GLRB: variants seen among roughly 807,000 people sequenced by gnomAD.
GLRB encodes the protein glycine receptor subunit beta.
Under a neutral mutation model 54.2 loss-of-function variants are expected in GLRB, and 33 were observed. The ratio of observed to expected loss-of-function variants is 0.61; its 90% confidence interval spans 0.46 to 0.81. The LOEUF is 0.81. GLRB is among the 40% of genes least tolerant of loss of function. The pLI is 0.00. For synonymous variants in GLRB, 209 were observed against 208.2 expected, an observed-to-expected ratio of 1.00 and a Z score of -0.03; for missense variants, 572 against 584.6, an observed-to-expected ratio of 0.98 and a Z score of 0.22.
chr4:157,124,209 C>T (rs1735933439), intron 4 of GLRB, among the ~76,000 whole-genome samples: 1 of 151,728 alleles, frequency 6.6e-6, no homozygotes, highest in Non-Finnish European at 1.5e-5. Flanking sequence ...ATAACTTATC[C>T]TCGGTACCAG....
At chr4:157,085,528 ACT>A (rs953744287) in intron 2 of GLRB, among the ~76,000 whole-genome samples, 12 of 151,964 alleles carry the variant, frequency 7.9e-5, no homozygotes, top group Admixed American at 3.3e-4. Context: ...ATGGAATCTC[ACT>A]CTGTTAGCCA....
intron 2 of GLRB, among the ~76,000 whole-genome samples, chr4:157,113,535 C>A (rs1419899038): frequency 6.6e-6 from 1 of 151,844 alleles, no homozygotes; most frequent in Non-Finnish European, 1.5e-5. Context: ...AACAGATAGC[C>A]TTCAATGAGA....
At chr4:157,077,743 C>T (rs1005098948) in intron 1 of GLRB, among the ~76,000 whole-genome samples, 1 of 150,004 alleles carries the variant, frequency 6.7e-6, no homozygotes, top group African/African-American at 2.5e-5. Flanking sequence ...CCTATTATAT[C>T]TCGTTGGCGG....
At chr4:157,169,838 T>C (rs1298783486) in intron 9 of GLRB, among the ~76,000 whole-genome samples, 1 of 152,090 alleles carries the variant, frequency 6.6e-6, no homozygotes, top group Non-Finnish European at 1.5e-5. Context: ...CTGAGCGTGA[T>C]TGGTTAAGTT....
At position 157,157,824 on chromosome 4, in the gene GLRB, A is replaced by G. The variant is rs184785755; in HGVS notation, c.1197+4814A>G. Among the ~76,000 whole-genome samples the G allele has an allele frequency of 9.3e-4, 142 of 152,314 alleles. 1 individual carries two copies. Among genetic ancestry groups the G allele is most frequent in the African/African-American group, 2.7e-3 (112 of 41,570 alleles). ...TATGTGTGCATGTGTCTTTATAGCA[A>G]CATGATTTATAATCCTTTAGATATA... On this transcript the variant is annotated intron_variant, in intron 9 of 9. Transcript: ENST00000264428.
intron 4 of GLRB, among the ~76,000 whole-genome samples, chr4:157,127,904 G>T (rs1332815252): frequency 6.6e-6 from 1 of 151,860 alleles, no homozygotes. Context: ...AATGTGTGGT[G>T]CTTGAAGCCA....
chr4:157,095,305 CA>C (rs59570434), intron 2 of GLRB, among the ~76,000 whole-genome samples: 1,452 of 79,144 alleles, frequency 0.018, 6 homozygotes, highest in African/African-American at 0.064. Context: ...TGTGCCTGAG[CA>C]AAAAAAAAAA....
intron 9 of GLRB, among the ~76,000 whole-genome samples, chr4:157,153,482 A>G (rs1737105634): frequency 6.6e-6 from 1 of 152,200 alleles, no homozygotes; most frequent in South Asian, 2.1e-4. Flanking sequence ...AGAGAGCTTC[A>G]CATGGAGCAT....
chr4:157,125,618 C>G (rs187672278), intron 4 of GLRB, among the ~76,000 whole-genome samples: 1 of 151,702 alleles, frequency 6.6e-6, no homozygotes, highest in African/African-American at 2.4e-5. Context: ...TAGAAATCTC[C>G]CCTACAAGGA....
At chr4:157,122,708 T>C (rs1735877223) in intron 4 of GLRB, among the ~76,000 whole-genome samples, 1 of 151,804 alleles carries the variant, frequency 6.6e-6, no homozygotes, top group Non-Finnish European at 1.5e-5. Flanking sequence ...GGCAACAGTT[T>C]TTGTTTTCTA....
At chr4:157,146,520 T>G (rs1348486630) in intron 8 of GLRB, among the ~76,000 whole-genome samples, 1 of 152,034 alleles carries the variant, frequency 6.6e-6, no homozygotes, top group Admixed American at 6.6e-5. Context: ...CAGGTGCTGA[T>G]AAATATTTGA....
intron 8 of GLRB, among the ~76,000 whole-genome samples, chr4:157,151,809 A>G (rs1489387272): frequency 6.6e-6 from 1 of 152,092 alleles, no homozygotes; most frequent in African/African-American, 2.4e-5. Context: ...AAAAAATTAT[A>G]CTCAACCCAG....
chr4:157,142,377 C>G (rs1736649806), intron 7 of GLRB, among the ~76,000 whole-genome samples: 1 of 152,034 alleles, frequency 6.6e-6, no homozygotes, highest in South Asian at 2.1e-4. Context: ...AAGCATTTGG[C>G]ATAAATAGAA....
At chr4:157,117,514 C>T (rs1055184636) in intron 2 of GLRB, among the ~76,000 whole-genome samples, 3 of 151,596 alleles carry the variant, frequency 2.0e-5, no homozygotes, top group Admixed American at 6.6e-5. Flanking sequence ...ATATTCATTC[C>T]GCACCAGACT....
intron 2 of GLRB, among the ~76,000 whole-genome samples, chr4:157,103,704 G>A (rs571546177): frequency 2.0e-5 from 3 of 151,866 alleles, no homozygotes; most frequent in Non-Finnish European, 4.4e-5. Flanking sequence ...TTTGTTTGTG[G>A]CTTTAATTTC....
chr4:157,117,197 A>G (rs1029438388), intron 2 of GLRB, among the ~76,000 whole-genome samples: 1 of 151,716 alleles, frequency 6.6e-6, no homozygotes, highest in Non-Finnish European at 1.5e-5. Context: ...CTAAAGCAAT[A>G]TGTGTATGGA....
At chr4:157,098,172 G>C (rs1317981716) in intron 2 of GLRB, among the ~76,000 whole-genome samples, 4 of 151,976 alleles carry the variant, frequency 2.6e-5, no homozygotes, top group Admixed American at 1.3e-4. Context: ...ATACTCTTTT[G>C]TATCTAGATT....
intron 2 of GLRB, among the ~76,000 whole-genome samples, chr4:157,111,461 G>A (rs1735415807): frequency 6.6e-6 from 1 of 151,936 alleles, no homozygotes; most frequent in Non-Finnish European, 1.5e-5. Flanking sequence ...TCACTCCAGA[G>A]GAAGAAGCTG....
chr4:157,097,639 A>G (rs922335977), intron 2 of GLRB, among the ~76,000 whole-genome samples: 1 of 152,214 alleles, frequency 6.6e-6, no homozygotes, highest in Admixed American at 6.5e-5. Flanking sequence ...AGCAAAATAT[A>G]TAAATCTTAA....
Sources: gnomAD v4.1 joint callset for allele counts (sites outside exome capture counted in the v4.1 genomes callset) on GRCh38, gnomAD v4.1.1 for gene constraint, MANE v1.5 for transcripts, NCBI Gene and HGNC (gene_info 2026-07-23, HGNC 2026-07-21) for gene names.